Variants in ZNF277 observed in about 807,000 individuals in gnomAD.
The protein encoded by ZNF277 is zinc finger protein 277.
Under a neutral mutation model 60.7 loss-of-function variants are expected in ZNF277, and 55 were observed. That is an observed-to-expected ratio of 0.91 (90% CI 0.73 to 1.13). The LOEUF (loss-of-function observed/expected upper bound fraction) is 1.13. Ranked by LOEUF, ZNF277 falls within the 50% of genes most tolerant of loss-of-function variation. ZNF277 has a pLI of 0.00. For missense variants in ZNF277, 510 were observed against 523.0 expected (o/e 0.98, Z 0.24); for synonymous variants, 178 against 179.3 (o/e 0.99, Z 0.06).
chr7:112,336,026 G>T, intron 7 of ZNF277, 78 bp from the exon 8 acceptor site: 1 of 1,299,526 alleles, frequency 7.7e-7, no homozygotes, highest in African/African-American at 1.5e-5. Context: ...TTTTGGTTTT[G>T]ATTTTTTTCA....
intron 1 of ZNF277, among the ~76,000 whole-genome samples, chr7:112,211,741 T>C (rs1262135294): frequency 6.6e-6 from 1 of 152,246 alleles, no homozygotes; most frequent in Non-Finnish European, 1.5e-5. Context: ...TAGCCTCATC[T>C]TCAGTCACCC....
intron 1 of ZNF277, among the ~76,000 whole-genome samples, chr7:112,247,275 C>T (rs751218774): frequency 1.3e-5 from 2 of 152,152 alleles, no homozygotes; most frequent in African/African-American, 2.4e-5. Context: ...GAGCTCTCTA[C>T]TTGTATTCAT....
At chr7:112,296,722 C>T (rs1179580487) in intron 4 of ZNF277, among the ~76,000 whole-genome samples, 1 of 151,032 alleles carries the variant, frequency 6.6e-6, no homozygotes, top group African/African-American at 2.4e-5. Context: ...TTTTTATTTC[C>T]CTTTATGAAT....
rs138024839 is a variant in ZNF277 at position 112,291,868 on chromosome 7, T to A, written c.294-4001T>A. Among the ~76,000 whole-genome samples the A allele has an allele frequency of 9.0e-4, 137 of 152,318 alleles. 3 individuals are homozygous for A. In the East Asian group the frequency reaches 0.024, roughly 27 times the overall value. On this transcript the variant is annotated intron_variant, in intron 2 of 11. Transcript: ENST00000361822. ...TATAGTATACCACAGTAAGATATGATGCCTAATTTTATATGTTTAAGTTGT... is the reference window on the plus strand; with the variant it reads ...TATAGTATACCACAGTAAGATATGAAGCCTAATTTTATATGTTTAAGTTGT...
At chr7:112,212,872 C>CCA (rs1425365283) in intron 1 of ZNF277, among the ~76,000 whole-genome samples, 3 of 152,156 alleles carry the variant, frequency 2.0e-5, no homozygotes, top group African/African-American at 7.2e-5. Flanking sequence ...AGCTCCCCAC[C>CCA]CGCACACACA....
chr7:112,308,965 G>A (rs1167757377), intron 4 of ZNF277, among the ~76,000 whole-genome samples: 1 of 151,992 alleles, frequency 6.6e-6, no homozygotes, highest in East Asian at 1.9e-4. Context: ...AGAGGACTTA[G>A]CAATATCTAT....
chr7:112,342,848 GA>G lies in ZNF277; in HGVS notation c.*122del, dbSNP rs1160906684. 2.5e-6 allele frequency: 2 copies of G among 787,886 alleles called. No homozygotes were observed. Among genetic ancestry groups the G allele is most frequent in the East Asian group, 3.3e-5 (1 of 30,380 alleles). The allele number at this position is 787,886 out of a possible 1,614,324, so 48.8% of individuals were successfully genotyped here. A position where few individuals can be genotyped will look rare whatever the true frequency, so the allele number is the denominator to read the frequency against. ...CATCAACAAAAGATTGGTCCTTGGT[GA>G]AATAAACTTTTCAAAAATGAATGTT... On this transcript the variant is annotated 3_prime_UTR_variant, in exon 12 of 12. Coordinates refer to ENST00000361822, the MANE Select transcript of ZNF277 (RefSeq NM_021994.3).
At chr7:112,319,637 AT>A (rs1245393221) in intron 5 of ZNF277, among the ~76,000 whole-genome samples, 1 of 147,946 alleles carries the variant, frequency 6.8e-6, no homozygotes, top group Non-Finnish European at 1.5e-5. Flanking sequence ...GAATTTATAA[AT>A]TATAATTTAT....
intron 4 of ZNF277, among the ~76,000 whole-genome samples, chr7:112,312,600 G>A (rs534172645): frequency 5.9e-5 from 9 of 152,014 alleles, no homozygotes; most frequent in Admixed American, 1.3e-4. Context: ...ACAAATGTAC[G>A]CGTGCATGTG....
intron 2 of ZNF277, among the ~76,000 whole-genome samples, chr7:112,293,274 T>C (rs1375432164): frequency 1.3e-5 from 2 of 152,166 alleles, no homozygotes; most frequent in Non-Finnish European, 2.9e-5. Flanking sequence ...ATATTGATTG[T>C]CCATTTAAAA....
intron 1 of ZNF277, among the ~76,000 whole-genome samples, chr7:112,281,783 G>A (rs943364433): frequency 2.0e-5 from 3 of 152,154 alleles, no homozygotes; most frequent in Non-Finnish European, 2.9e-5. Context: ...CCAGCCATTC[G>A]ATAGCTATTT....
chr7:112,333,531 C>T (rs1346972271), intron 7 of ZNF277, among the ~76,000 whole-genome samples: 1 of 152,174 alleles, frequency 6.6e-6, no homozygotes, highest in Non-Finnish European at 1.5e-5. Context: ...CTCACCTCCA[C>T]TTCAAACGCC....
At chr7:112,212,148 G>A (rs1821765867) in intron 1 of ZNF277, among the ~76,000 whole-genome samples, 1 of 152,188 alleles carries the variant, frequency 6.6e-6, no homozygotes, top group Non-Finnish European at 1.5e-5. Flanking sequence ...AAGTTTTAAT[G>A]TTGTTTAAAT....
chr7:112,325,868 C>G (rs1028265098), intron 5 of ZNF277, among the ~76,000 whole-genome samples: 4 of 152,196 alleles, frequency 2.6e-5, no homozygotes, highest in Non-Finnish European at 5.9e-5. Context: ...ACATCCCTCC[C>G]AGCAAGCTGC....
At chr7:112,330,239 T>TA in intron 7 of ZNF277, 23 bp downstream of exon 7, 1 of 1,609,324 alleles carries the variant, frequency 6.2e-7, no homozygotes, top group Non-Finnish European at 8.5e-7. Flanking sequence ...TTTCATAACT[T>TA]AAAATTTGAT....
intron 1 of ZNF277, among the ~76,000 whole-genome samples, chr7:112,270,894 A>AAAAAATAAAATAAAAAT (rs1258694027): frequency 6.6e-6 from 1 of 152,046 alleles, no homozygotes; most frequent in Non-Finnish European, 1.5e-5. Flanking sequence ...TGGGAGTAGC[A>AAAAAATAAAATAAAAAT]AAAAATAAAA....
intron 8 of ZNF277, 122 bp from the exon 9 acceptor site, chr7:112,337,608 T>C (rs1793358084): frequency 1.5e-6 from 1 of 688,620 alleles, no homozygotes; most frequent in Admixed American, 2.7e-5. Context: ...TTTACCAAAA[T>C]GTCAGAGTTG....
intron 7 of ZNF277, among the ~76,000 whole-genome samples, chr7:112,333,929 G>T (rs562712167): frequency 6.6e-6 from 1 of 152,122 alleles, no homozygotes; most frequent in African/African-American, 2.4e-5. Context: ...TAACATCGAG[G>T]CTTCAGCTAC....
chr7:112,331,539 C>G (rs1169097372), intron 7 of ZNF277, among the ~76,000 whole-genome samples: 1 of 152,176 alleles, frequency 6.6e-6, no homozygotes, highest in Non-Finnish European at 1.5e-5. Context: ...TGTTGGAAAT[C>G]TCTGCTTTAG....
Sources: gnomAD v4.1 joint callset for allele counts (sites outside exome capture counted in the v4.1 genomes callset) on GRCh38, gnomAD v4.1.1 for gene constraint, MANE v1.5 for transcripts, NCBI Gene and HGNC (gene_info 2026-07-23, HGNC 2026-07-21) for gene names.